The following CNTNAP2 variants were observed in gnomAD, a reference collection of about 807,000 sequenced individuals.
CNTNAP2 encodes contactin associated protein 2, also known as contactin-associated protein-like 2.
Under a neutral mutation model 155.2 loss-of-function variants are expected in CNTNAP2, and 98 were observed. That is an observed-to-expected ratio of 0.63 (90% CI 0.54 to 0.75). The LOEUF (loss-of-function observed/expected upper bound fraction) is 0.75, where lower values mean the gene tolerates loss of function less well. CNTNAP2 is among the 30% of genes least tolerant of loss of function. The pLI is 0.00. For synonymous variants in CNTNAP2, 651 were observed against 631.2 expected (o/e 1.03, Z -0.47); for missense variants, 1,727 against 1,688.1 (o/e 1.02, Z -0.40).
At chr7:146,978,321 G>T (rs1209829961) in intron 3 of CNTNAP2, among the ~76,000 whole-genome samples, 2 of 152,236 alleles carry the variant, frequency 1.3e-5, no homozygotes, top group African/African-American at 2.4e-5. Flanking sequence ...ACTTGACCCG[G>T]TCTTCAACCC....
In CNTNAP2 at chr7:147,981,028, T is replaced by C. The variant is rs1038198121; in HGVS notation, c.2383+3039T>C. On this transcript the variant is annotated intron_variant, in intron 15 of 23. Transcript: ENST00000361727. ...CTGCATTTTCCAGTTTTTATACATA[T>C]GTGATCTCCCTGGTTACACACAGCC... 7.2e-5 allele frequency among the ~76,000 whole-genome samples: 11 copies of C among 152,114 alleles called. 1 individual carries two copies. Among genetic ancestry groups the C allele is most frequent in the Admixed American group, 5.9e-4 (9 of 15,274 alleles).
intron 3 of CNTNAP2, among the ~76,000 whole-genome samples, chr7:147,042,206 C>A (rs758324994): frequency 6.6e-6 from 1 of 152,130 alleles, no homozygotes; most frequent in Admixed American, 6.6e-5. Context: ...AGTGGTAGTA[C>A]GCAGCTCATT....
chr7:146,296,313 C>G (rs186471721), intron 1 of CNTNAP2, among the ~76,000 whole-genome samples: 1 of 152,244 alleles, frequency 6.6e-6, no homozygotes, highest in East Asian at 1.9e-4. Context: ...ACACTTTGGG[C>G]TACTTCAGAG....
At position 146,139,765 on chromosome 7, in the gene CNTNAP2, G is replaced by T. The variant is rs991582636; in HGVS notation, c.97+22792G>T. 3.9e-5 allele frequency among the ~76,000 whole-genome samples: 6 copies of T among 152,040 alleles called. No homozygotes were observed. The East Asian group carries it at 7.7e-4, about 20-fold the overall frequency. ...CTAAGGGACCCTATTTAAGAAGTTT[G>T]TGGAAATAGAAGTGTTTTTAAGGTC... On this transcript the variant is annotated intron_variant, in intron 1 of 23. Transcript: ENST00000361727.
intron 12 of CNTNAP2, among the ~76,000 whole-genome samples, chr7:147,630,725 A>T (rs889105877): frequency 1.3e-5 from 2 of 152,204 alleles, no homozygotes; most frequent in Non-Finnish European, 2.9e-5. Flanking sequence ...CAGAAGTCAT[A>T]TGAGCATCCC....
At chr7:146,569,572 T>C (rs1278931792) in intron 1 of CNTNAP2, among the ~76,000 whole-genome samples, 1 of 152,202 alleles carries the variant, frequency 6.6e-6, no homozygotes, top group Non-Finnish European at 1.5e-5. Flanking sequence ...TCAGCACCTC[T>C]ATGGTATTAT....
intron 1 of CNTNAP2, among the ~76,000 whole-genome samples, chr7:146,285,978 CTG>C (rs540809295): frequency 0.037 from 1,260 of 33,650 alleles, 56 homozygotes; most frequent in African/African-American, 0.12. Context: ...CCTTCCTTCT[CTG>C]TGTGTGTGTG....
At chr7:147,978,782 A>G (rs1424877130) in intron 15 of CNTNAP2, among the ~76,000 whole-genome samples, 1 of 152,014 alleles carries the variant, frequency 6.6e-6, no homozygotes, top group Non-Finnish European at 1.5e-5. Context: ...TGAGAGTTCT[A>G]TGCTTTTGTG....
chr7:147,948,006 C>G (rs910099990), intron 14 of CNTNAP2, among the ~76,000 whole-genome samples: 2 of 151,890 alleles, frequency 1.3e-5, no homozygotes, highest in African/African-American at 2.4e-5. Flanking sequence ...CATTTCTGTA[C>G]AGAATTTTTT....
rs1324056919 is a variant in CNTNAP2, at chr7:147,277,773, TTC to T, written c.1349-22366_1349-22365del. On this transcript the variant is annotated intron_variant, in intron 8 of 23. Coordinates refer to ENST00000361727, the MANE Select transcript of CNTNAP2 (RefSeq NM_014141.6). ...AGTTCTTACTAGATTAAGTTCAAAC[TTC>T]TTTTTTTTTTTACTTTTCATAAACT... is the stretch of plus-strand genomic sequence containing the variant. 5.1e-5 allele frequency among the ~76,000 whole-genome samples: 7 copies of T among 137,960 alleles called. 1 individual carries two copies. The highest frequency in any genetic ancestry group is 1.9e-4 in the African/African-American group (7 of 36,362). 90.5% of individuals were successfully genotyped at this position (137,960 alleles called of 152,430 possible). A position where few individuals can be genotyped will look rare whatever the true frequency, so the allele number is the denominator to read the frequency against.
intron 13 of CNTNAP2, among the ~76,000 whole-genome samples, chr7:147,791,340 T>C (rs1049652817): frequency 6.6e-6 from 1 of 152,142 alleles, no homozygotes; most frequent in African/African-American, 2.4e-5. Context: ...TAGACCTTCT[T>C]TGGGCTCCTG....
chr7:146,406,834 C>A (rs533142191), intron 1 of CNTNAP2, among the ~76,000 whole-genome samples: 99 of 152,318 alleles, frequency 6.5e-4, no homozygotes, highest in African/African-American at 2.1e-3. Flanking sequence ...CATGGCTACA[C>A]ATGCATAGAA....
At chr7:148,208,082 C>CA (rs1795482690) in intron 18 of CNTNAP2, among the ~76,000 whole-genome samples, 1 of 134,306 alleles carries the variant, frequency 7.4e-6, no homozygotes, top group Admixed American at 7.3e-5. Context: ...GAGCGAGACT[C>CA]CGTGTCAAAA....
intron 3 of CNTNAP2, among the ~76,000 whole-genome samples, chr7:146,995,374 C>T (rs1244025245): frequency 6.6e-6 from 1 of 151,930 alleles, no homozygotes; most frequent in Admixed American, 6.6e-5. Context: ...TTAGATCATG[C>T]GGTAGTTCAA....
intron 12 of CNTNAP2, among the ~76,000 whole-genome samples, chr7:147,605,501 C>T (rs1333190189): frequency 1.3e-5 from 2 of 152,114 alleles, no homozygotes; most frequent in Non-Finnish European, 2.9e-5. Context: ...CCTTGTCATG[C>T]AGATAAAGTC....
chr7:147,337,756 T>C (rs1253365882), intron 9 of CNTNAP2, among the ~76,000 whole-genome samples: 1 of 152,138 alleles, frequency 6.6e-6, no homozygotes, highest in African/African-American at 2.4e-5. Context: ...AGGATGAGCT[T>C]GCTCATTATC....
At chr7:148,164,774 C>T (rs1805618943) in intron 17 of CNTNAP2, among the ~76,000 whole-genome samples, 1 of 151,586 alleles carries the variant, frequency 6.6e-6, no homozygotes, top group Admixed American at 6.6e-5. Context: ...GCAGATGCCA[C>T]CACATCTGGC....
chr7:146,884,315 T>C (rs1795612681), intron 3 of CNTNAP2, among the ~76,000 whole-genome samples: 1 of 152,188 alleles, frequency 6.6e-6, no homozygotes, highest in Admixed American at 6.6e-5. Context: ...GGTTCAACTG[T>C]GCTTCTTTTC....
intron 21 of CNTNAP2, among the ~76,000 whole-genome samples, chr7:148,279,922 C>A (rs1796942118): frequency 6.6e-6 from 1 of 152,008 alleles, no homozygotes; most frequent in South Asian, 2.1e-4. Flanking sequence ...TTTGAAATGA[C>A]AAAATTTTAC....
Sources: allele counts gnomAD v4.1 joint callset (sites outside exome capture counted in the v4.1 genomes callset), GRCh38; gene constraint gnomAD v4.1.1; transcripts MANE v1.5; gene names NCBI Gene and HGNC (gene_info 2026-07-23, HGNC 2026-07-21).